Variants in NVL observed in about 807,000 individuals in gnomAD.
NVL encodes nuclear VCP like, also known as nuclear valosin-containing protein-like.
Under a neutral mutation model 110.2 loss-of-function variants are expected in NVL, and 84 were observed. The ratio of observed to expected loss-of-function variants is 0.76; its 90% CI spans 0.64 to 0.91. The LOEUF is 0.91. NVL is among the 40% of genes least tolerant of loss of function. The probability of loss-of-function intolerance (pLI) is 0.00; values close to 1 mark genes in which losing one functional copy is unlikely to be tolerated. For missense variants in NVL, 882 were observed against 1,035.9 expected (o/e 0.85, Z 2.04); for synonymous variants, 354 against 361.1 (o/e 0.98, Z 0.22).
intron 2 of NVL, among the ~76,000 whole-genome samples, chr1:224,321,634 T>C (rs1670651869): frequency 6.6e-6 from 1 of 151,902 alleles, no homozygotes; most frequent in Non-Finnish European, 1.5e-5. Context: ...TGTACACCTG[T>C]AGTCCTGGCT....
chr1:224,320,055 T>C (rs373872297), intron 2 of NVL, among the ~76,000 whole-genome samples: 6 of 152,158 alleles, frequency 3.9e-5, no homozygotes, highest in African/African-American at 1.2e-4. Context: ...CTGTTGCAGA[T>C]TAAAGGAAAC....
chr1:224,306,460 G>T (rs1002276474), intron 6 of NVL, among the ~76,000 whole-genome samples: 1 of 152,090 alleles, frequency 6.6e-6, no homozygotes, highest in Non-Finnish European at 1.5e-5. Context: ...TAGAGACAGG[G>T]TTTCACTGTG....
chr1:224,278,629 G>A (rs1474223282), intron 16 of NVL, among the ~76,000 whole-genome samples: 1 of 152,138 alleles, frequency 6.6e-6, no homozygotes, highest in Non-Finnish European at 1.5e-5. Flanking sequence ...GAGGCAAAAT[G>A]TCATATTTAC....
intron 16 of NVL, among the ~76,000 whole-genome samples, chr1:224,279,832 C>T (rs1558297116): frequency 1.3e-5 from 2 of 152,034 alleles, no homozygotes; most frequent in South Asian, 4.1e-4. Flanking sequence ...ATCTCATAAA[C>T]CTCATACTTG....
Position 224,326,424 on chromosome 1 carries a change from C to A in NVL, c.98G>T (p.Gly33Val). The change falls in exon 2 of 23, where the codon GGA becomes GTA. Residue 33 changes from glycine to valine, a missense_variant. Coordinates refer to ENST00000281701, the MANE Select transcript of NVL (RefSeq NM_002533.4). The part of the protein sequence containing the change: ...SNKCGKYVDI[G>V]VLASDLQRVY... ...TCTTTGTAAATCAGACGCTAAGACTCCAATGTCCACATATTTGCCACATTT... is the reference window on the plus strand; with the variant it reads ...TCTTTGTAAATCAGACGCTAAGACTACAATGTCCACATATTTGCCACATTT... The A allele has an allele frequency of 6.2e-7, 1 of 1,612,562 alleles. No homozygotes were observed.
intron 11 of NVL, among the ~76,000 whole-genome samples, chr1:224,295,313 C>T (rs1462048485): frequency 6.6e-6 from 1 of 152,154 alleles, no homozygotes; most frequent in Non-Finnish European, 1.5e-5. Context: ...CTGCCTCAGC[C>T]TCCCGAGTAC....
At chr1:224,312,294 G>A (rs1284634427) in intron 4 of NVL, among the ~76,000 whole-genome samples, 1 of 152,176 alleles carries the variant, frequency 6.6e-6, no homozygotes, top group Non-Finnish European at 1.5e-5. Context: ...TAAGTACTCT[G>A]AGTAACAAAT....
chr1:224,325,663 G>A (rs903732845), intron 2 of NVL, among the ~76,000 whole-genome samples: 7 of 152,164 alleles, frequency 4.6e-5, no homozygotes, highest in Non-Finnish European at 8.8e-5. Flanking sequence ...AACCTGGGAA[G>A]CGGAGGTTGC....
At chr1:224,231,329 A>G (rs1558227550) in intron 21 of NVL, 33 bp from the exon 22 acceptor site, 3 of 1,538,688 alleles carry the variant, frequency 1.9e-6, no homozygotes, top group Admixed American at 3.3e-5. Context: ...TACACATCTC[A>G]GTATCGTATG....
chr1:224,236,775 A>G (rs1660534791), intron 19 of NVL, 193 bp from the exon 20 acceptor site: 27 of 467,364 alleles, frequency 5.8e-5, no homozygotes, highest in South Asian at 5.5e-4. Flanking sequence ...GCTGGGCGTT[A>G]TGGTATGCAC....
At chr1:224,273,734 A>T (rs1665436113) in intron 17 of NVL, among the ~76,000 whole-genome samples, 1 of 152,172 alleles carries the variant, frequency 6.6e-6, no homozygotes, top group Admixed American at 6.6e-5. Flanking sequence ...TGCCCTAACC[A>T]GCTGGAGATA....
In NVL at chr1:224,227,469, T is replaced by TCTTCAG. The variant is rs527346626; in HGVS notation, c.*151_*156dup. On this transcript the variant is annotated 3_prime_UTR_variant, in exon 23 of 23. Transcript: ENST00000281701. Reference sequence around the variant, plus strand: ...CACAAGGCTGGCCAGATGGGAAGAATCTTCAGCTTCAGCTTCAGCTTGGCC... The same window carrying TCTTCAG: ...CACAAGGCTGGCCAGATGGGAAGAATCTTCAGCTTCAGCTTCAGCTTCAGCTTGGCC... 4.9e-5 allele frequency: 24 copies of TCTTCAG among 486,286 alleles called. No individual in the cohort carries two copies. The highest frequency in any genetic ancestry group is 1.2e-3 in the Middle Eastern group (2 of 1,738). 30.1% of individuals were successfully genotyped at this position (486,286 alleles called of 1,614,324 possible).
chr1:224,273,791 A>G (rs1665442923), intron 17 of NVL, among the ~76,000 whole-genome samples: 1 of 152,218 alleles, frequency 6.6e-6, no homozygotes, highest in Non-Finnish European at 1.5e-5. Flanking sequence ...ACTTTGGAAT[A>G]TGACTGGGGA....
At chr1:224,317,321 A>G (rs150290498) in intron 4 of NVL, among the ~76,000 whole-genome samples, 241 of 152,330 alleles carry the variant, frequency 1.6e-3, no homozygotes, top group African/African-American at 5.5e-3. Context: ...GCAAACAAGT[A>G]AGCAAATAAT....
intron 10 of NVL, 142 bp from the exon 11 acceptor site, chr1:224,296,760 TG>T: frequency 1.8e-6 from 1 of 544,916 alleles, no homozygotes; most frequent in Non-Finnish European, 3.2e-6. Flanking sequence ...GCAGTTCACA[TG>T]TGTTACTTCT....
chr1:224,260,000 T>C (rs546698182), intron 18 of NVL, among the ~76,000 whole-genome samples: 1 of 152,188 alleles, frequency 6.6e-6, no homozygotes, highest in Admixed American at 6.5e-5. Context: ...CTCTACTACA[T>C]ATCATAGCAT....
Position 224,330,111 on chromosome 1 carries a change from G to A in NVL, c.17C>T (p.Ala6Val), listed in dbSNP as rs1159208114. 1.2e-6 allele frequency: 2 copies of A among 1,613,964 alleles called. No homozygotes were observed. Among genetic ancestry groups the A allele is most frequent in the Admixed American group, 3.3e-5 (2 of 59,998 alleles). The change falls in exon 1 of 23, where the codon GCA becomes GTA. Residue 6 changes from alanine to valine, a missense_variant. This residue lies in a region of NVL where 274 missense variants were observed against 268.4 expected (regional missense o/e 1.02). Coordinates refer to ENST00000281701, the MANE Select transcript of NVL (RefSeq NM_002533.4). Reference protein sequence around the residue: MKPRPAGFVDNKLKQR... With the variant: MKPRPVGFVDNKLKQR... Reference sequence around the variant, plus strand: ...CTTGAGTTTATTATCCACGAACCCTGCAGGTCTGGGCTTCATCGCGTCGGT... The same window carrying A: ...CTTGAGTTTATTATCCACGAACCCTACAGGTCTGGGCTTCATCGCGTCGGT...
intron 16 of NVL, among the ~76,000 whole-genome samples, chr1:224,276,444 G>A (rs1189333443): frequency 1.3e-5 from 2 of 152,014 alleles, no homozygotes; most frequent in African/African-American, 4.8e-5. Flanking sequence ...TCACCATGTT[G>A]GCCAGGCTGG....
chr1:224,316,084 C>T (rs1670030095), intron 4 of NVL, among the ~76,000 whole-genome samples: 1 of 151,960 alleles, frequency 6.6e-6, no homozygotes. Context: ...ATGGGAGAAT[C>T]GCCTGAGCCC....
Sources: allele counts gnomAD v4.1 joint callset (sites outside exome capture counted in the v4.1 genomes callset), GRCh38; gene constraint gnomAD v4.1.1; regional missense constraint gnomAD v4.1.1; transcripts MANE v1.5; gene names NCBI Gene and HGNC (gene_info 2026-07-23, HGNC 2026-07-21).